NHS: variants seen among roughly 807,000 people sequenced by gnomAD.
NHS encodes NHS actin remodeling regulator.
NHS carries 5 observed loss-of-function variants against 72.5 expected under a neutral mutation model. The observed-to-expected ratio is 0.07, with a 90% confidence interval of 0.04 to 0.14. NHS has a LOEUF of 0.14. Among genes scored for constraint, NHS ranks in the 10% least tolerant of loss-of-function variants. The pLI, the probability that NHS is intolerant of heterozygous loss-of-function variation, is 1.00. For missense variants in NHS, 1,072 were observed against 1,355.7 expected (o/e 0.79, Z 3.29); for synonymous variants, 464 against 547.7 (o/e 0.85, Z 2.13).
At chrX:17,423,527 G>C (rs1239231094) in intron 1 of NHS, among the ~76,000 whole-genome samples, 1 of 111,492 alleles carries the variant, frequency 9.0e-6, no homozygotes, top group Non-Finnish European at 1.9e-5. Flanking sequence ...TGCTCGGCTA[G>C]ATCCTGGTTA....
At chrX:17,703,652 G>A (rs1196770863) in intron 3 of NHS, among the ~76,000 whole-genome samples, 1 of 112,542 alleles carries the variant, frequency 8.9e-6, no homozygotes, top group African/African-American at 3.2e-5. Context: ...TGATGCTTTA[G>A]ATCTCCATTA....
intron 1 of NHS, among the ~76,000 whole-genome samples, chrX:17,474,428 C>G (rs1229536011): frequency 8.9e-6 from 1 of 111,910 alleles, no homozygotes; most frequent in Non-Finnish European, 1.9e-5. Flanking sequence ...ACACATCCGT[C>G]TTAGGTTGGG....
intron 1 of NHS, among the ~76,000 whole-genome samples, chrX:17,674,227 G>A (rs949347685): frequency 1.1e-4 from 12 of 111,469 alleles, no homozygotes; most frequent in African/African-American, 3.6e-4. Context: ...TCTCCAATGC[G>A]ACCCTCTAGA....
rs1284286723 is a variant in NHS, at chrX:17,502,767, C to T, written c.565+126445C>T. ...TCGCGCCACTGCACTCCAGCCTGGG[C>T]GACAGAGCGAGACTCCGTCTCAAAA... On this transcript the variant is annotated intron_variant, in intron 1 of 8. Transcript: ENST00000676302. Among the ~76,000 whole-genome samples the T allele has an allele frequency of 1.2e-4, 10 of 85,705 alleles. 4 individuals are homozygous for T. The highest frequency in any genetic ancestry group is 1.6e-4 in the Non-Finnish European group (7 of 44,688). The allele number at this position is 85,705 out of a possible 115,157, so 74.4% of individuals were successfully genotyped here.
intron 1 of NHS, among the ~76,000 whole-genome samples, chrX:17,524,632 G>C (rs2065164543): frequency 8.9e-6 from 1 of 111,803 alleles, no homozygotes; most frequent in Admixed American, 9.5e-5. Context: ...TTTACATTTG[G>C]ATTTAGGCAT....
At position 17,483,377 on chromosome X, in the gene NHS, C is replaced by T. The variant is rs780455260; in HGVS notation, c.565+107055C>T. ...TGGTGGTGTAAATAATATTTCAGTA[C>T]AGCAACTTTAATGTGATATGAAAAT... On this transcript the variant is annotated intron_variant, in intron 1 of 8. Transcript: ENST00000676302. Among the ~76,000 whole-genome samples, 5 of 112,070 alleles carry T rather than the reference C, an allele frequency of 4.5e-5. No individual in the cohort carries two copies. The South Asian group carries it at 1.8e-3, about 41-fold the overall frequency.
At chrX:17,586,604 T>C (rs1007160457) in intron 1 of NHS, 1 of 112,349 alleles carries the variant, frequency 8.9e-6, no homozygotes, top group Non-Finnish European at 1.9e-5. Context: ...AAACACAGGA[T>C]TTATCGAAGA....
intron 1 of NHS, among the ~76,000 whole-genome samples, chrX:17,562,859 T>C (rs1054545175): frequency 1.3e-5 from 1 of 74,896 alleles, no homozygotes; most frequent in African/African-American, 6.1e-5. Flanking sequence ...CATCTTTCAA[T>C]AGAATCCTAA....
rs757207874 is a variant in NHS at position 17,542,439 on chromosome X, C to T, written c.566-145303C>T. Among the ~76,000 whole-genome samples, 76 of 113,477 alleles carry T rather than the reference C, an allele frequency of 6.7e-4. No homozygotes were observed. The Middle Eastern group carries it at 0.032, about 48-fold the overall frequency. On this transcript the variant is annotated intron_variant, in intron 1 of 8. Coordinates refer to ENST00000676302, the MANE Select transcript of NHS (RefSeq NM_001291867.2). ...ACAAGGACAGTGCCAAGCATGCCAC[C>T]ATGGTTGTGCCAACCAGTTCCACTG...
chrX:17,450,597 C>T (rs934430485), intron 1 of NHS, among the ~76,000 whole-genome samples: 20 of 112,025 alleles, frequency 1.8e-4, no homozygotes, highest in Non-Finnish European at 3.0e-4. Context: ...TTCCCTGGGC[C>T]GGGCGTGGTG....
At chrX:17,642,361 T>G (rs1298716909) in intron 1 of NHS, among the ~76,000 whole-genome samples, 1 of 112,450 alleles carries the variant, frequency 8.9e-6, no homozygotes, top group African/African-American at 3.2e-5. Flanking sequence ...ACATAAGGAC[T>G]GAATAAGTGG....
chrX:17,467,805 T>A (rs1033306355), intron 1 of NHS, among the ~76,000 whole-genome samples: 2 of 111,685 alleles, frequency 1.8e-5, no homozygotes, highest in African/African-American at 6.5e-5. Context: ...ATCTATGGTA[T>A]GTAGGTGAAA....
intron 1 of NHS, among the ~76,000 whole-genome samples, chrX:17,588,446 G>C (rs2065586372): frequency 2.7e-5 from 3 of 112,245 alleles, no homozygotes; most frequent in African/African-American, 9.7e-5. Context: ...AGAAGACAGA[G>C]ACAGTCAATT....
At chrX:17,393,219 C>T (rs2064454225) in intron 1 of NHS, among the ~76,000 whole-genome samples, 1 of 111,464 alleles carries the variant, frequency 9.0e-6, no homozygotes, top group Non-Finnish European at 1.9e-5. Flanking sequence ...AAACTTTGTT[C>T]CTCAATAAGA....
chrX:17,722,700 CT>C (rs1198249584), intron 5 of NHS, among the ~76,000 whole-genome samples: 3 of 111,303 alleles, frequency 2.7e-5, no homozygotes, highest in Non-Finnish European at 5.7e-5. Context: ...AGATGTGCCC[CT>C]ATCTGATCTC....
intron 1 of NHS, among the ~76,000 whole-genome samples, chrX:17,519,061 T>C (rs1331247055): frequency 8.9e-6 from 1 of 112,114 alleles, no homozygotes. Context: ...GCTTAGGTTC[T>C]AGTAAGTGTT....
chrX:17,596,021 G>C (rs190115415), intron 1 of NHS, among the ~76,000 whole-genome samples: 1 of 99,163 alleles, frequency 1.0e-5, no homozygotes, highest in Admixed American at 1.2e-4. Context: ...CAGACAATTT[G>C]CTTACCTACT....
chrX:17,376,429 G>A, intron 1 of NHS, 107 bp downstream of exon 1: 1 of 720,444 alleles, frequency 1.4e-6, no homozygotes, highest in Non-Finnish European at 2.1e-6. Context: ...TCCGGTTGCA[G>A]CTTGCACCTT....
intron 1 of NHS, among the ~76,000 whole-genome samples, chrX:17,496,122 C>G (rs1348323525): frequency 9.0e-6 from 1 of 111,436 alleles, no homozygotes; most frequent in African/African-American, 3.3e-5. Context: ...CTTGGCTGAG[C>G]CCAGCCAAGC....
Sources: gnomAD v4.1 joint callset for allele counts (sites outside exome capture counted in the v4.1 genomes callset) on GRCh38, gnomAD v4.1.1 for gene constraint, MANE v1.5 for transcripts, NCBI Gene and HGNC (gene_info 2026-07-23, HGNC 2026-07-21) for gene names.